The following ASTN2 variants were observed in gnomAD, a reference collection of about 807,000 sequenced individuals.
The protein encoded by ASTN2 is astrotactin-2.
Under a neutral mutation model 139.8 loss-of-function variants are expected in ASTN2, and 54 were observed. The observed-to-expected ratio is 0.39, with a 90% CI of 0.31 to 0.48. ASTN2 has a LOEUF of 0.48. Ranked by LOEUF, ASTN2 falls within the 20% of genes least tolerant of loss-of-function variation. The probability of loss-of-function intolerance (pLI) is 0.95; values close to 1 mark genes in which losing one functional copy is unlikely to be tolerated. For missense variants in ASTN2, 1,565 were observed against 1,725.1 expected (o/e 0.91, Z 1.64); for synonymous variants, 756 against 719.5 (o/e 1.05, Z -0.81).
chr9:117,383,581 T>C (rs1444367571), intron 1 of ASTN2, among the ~76,000 whole-genome samples: 1 of 152,156 alleles, frequency 6.6e-6, no homozygotes, highest in Non-Finnish European at 1.5e-5. Flanking sequence ...AGATTTCATT[T>C]GATGAACTTG....
intron 16 of ASTN2, among the ~76,000 whole-genome samples, chr9:116,713,827 A>G (rs1485009857): frequency 6.6e-6 from 1 of 152,180 alleles, no homozygotes; most frequent in Non-Finnish European, 1.5e-5. Flanking sequence ...GAAATTGTGC[A>G]TGTGAAATGC....
intron 22 of ASTN2, 126 bp downstream of exon 22, chr9:116,440,483 G>T (rs1474524302): frequency 2.3e-6 from 2 of 873,540 alleles, no homozygotes; most frequent in Non-Finnish European, 3.5e-6. Context: ...GCCTTGACAC[G>T]ACCAAGGTGA....
chr9:116,645,116 G>T (rs1857523556), intron 17 of ASTN2, among the ~76,000 whole-genome samples: 1 of 152,164 alleles, frequency 6.6e-6, no homozygotes, highest in Non-Finnish European at 1.5e-5. Flanking sequence ...CACATAGACA[G>T]TAAATGGCAG....
intron 16 of ASTN2, among the ~76,000 whole-genome samples, chr9:116,664,978 T>G (rs1055218809): frequency 6.6e-6 from 1 of 152,098 alleles, no homozygotes; most frequent in African/African-American, 2.4e-5. Context: ...GGCTTGGTGC[T>G]CTCCCTGTGA....
At chr9:117,179,266 C>T (rs139745130) in intron 3 of ASTN2, among the ~76,000 whole-genome samples, 2 of 152,038 alleles carry the variant, frequency 1.3e-5, no homozygotes, top group African/African-American at 4.8e-5. Context: ...TGTATGCATA[C>T]ATGTATATAA....
At chr9:116,979,015 A>G (rs934619415) in intron 7 of ASTN2, among the ~76,000 whole-genome samples, 2 of 152,224 alleles carry the variant, frequency 1.3e-5, no homozygotes, top group East Asian at 1.9e-4. Flanking sequence ...GCATTCATCA[A>G]GTAAACTTAT....
chr9:116,899,969 T>G (rs1353489453), intron 10 of ASTN2, among the ~76,000 whole-genome samples: 2 of 152,126 alleles, frequency 1.3e-5, no homozygotes, highest in Non-Finnish European at 2.9e-5. Flanking sequence ...AAGACAAGAT[T>G]TAACTCCCTA....
intron 10 of ASTN2, among the ~76,000 whole-genome samples, chr9:116,901,111 T>C (rs181301085): frequency 0.014 from 2,052 of 151,900 alleles, 65 homozygotes; most frequent in Admixed American, 0.073. Context: ...TGTGTGTGTG[T>C]GCGCGTGTGC....
intron 16 of ASTN2, among the ~76,000 whole-genome samples, chr9:116,676,643 G>T: frequency 6.6e-6 from 1 of 152,074 alleles, no homozygotes; most frequent in East Asian, 1.9e-4. Flanking sequence ...AATTTTTTTT[G>T]AGCAGTTAAA....
chr9:116,962,763 T>A (rs928188806), intron 10 of ASTN2, among the ~76,000 whole-genome samples: 6 of 152,164 alleles, frequency 3.9e-5, no homozygotes, highest in Admixed American at 6.5e-5. Flanking sequence ...ATGTGTGTTG[T>A]CATAATATAA....
At chr9:116,526,237 G>A (rs904777256) in intron 19 of ASTN2, among the ~76,000 whole-genome samples, 2 of 152,114 alleles carry the variant, frequency 1.3e-5, no homozygotes, top group Non-Finnish European at 2.9e-5. Flanking sequence ...ACCACATTAT[G>A]GAAACAGCTA....
chr9:117,338,734 T>A (rs1828971743), intron 1 of ASTN2, among the ~76,000 whole-genome samples: 1 of 146,992 alleles, frequency 6.8e-6, no homozygotes, highest in South Asian at 2.2e-4. Flanking sequence ...GCAAAAGTAA[T>A]TTTTTTTTTT....
chr9:117,087,092 G>A (rs1828583595), intron 5 of ASTN2, among the ~76,000 whole-genome samples: 2 of 152,324 alleles, frequency 1.3e-5, no homozygotes, highest in African/African-American at 2.4e-5. Context: ...CTAAATTTAG[G>A]CAAGAAGCAG....
intron 1 of ASTN2, among the ~76,000 whole-genome samples, chr9:117,381,945 A>G (rs1830283025): frequency 6.6e-6 from 1 of 152,170 alleles, no homozygotes; most frequent in South Asian, 2.1e-4. Flanking sequence ...GAGAGAAGAT[A>G]TGGTTCACAG....
intron 11 of ASTN2, among the ~76,000 whole-genome samples, chr9:116,852,635 G>A (rs772722525): frequency 1.6e-4 from 24 of 151,890 alleles, no homozygotes; most frequent in Non-Finnish European, 3.4e-4. Context: ...GGAGAATACA[G>A]GCAAAAGGAT....
chr9:117,376,203 T>C (rs1408140386), intron 1 of ASTN2, among the ~76,000 whole-genome samples: 1 of 152,184 alleles, frequency 6.6e-6, no homozygotes, highest in East Asian at 1.9e-4. Context: ...TTAACTGTAG[T>C]AGAAACCCTA....
At chr9:117,000,256 T>C (rs939820289) in intron 7 of ASTN2, among the ~76,000 whole-genome samples, 1 of 152,232 alleles carries the variant, frequency 6.6e-6, no homozygotes, top group African/African-American at 2.4e-5. Context: ...AAGGCTTGAA[T>C]ATGTTAAATG....
rs149440526 is a variant in ASTN2 at position 116,769,375 on chromosome 9, AGAGT to A, written c.2397-35856_2397-35853del. On this transcript the variant is annotated intron_variant, in intron 13 of 22. Coordinates refer to ENST00000313400, the MANE Select transcript of ASTN2 (RefSeq NM_001365068.1). ...TAGAAGGCAGACTGTGGTGGGCGGG[AGAGT>A]AAGTGGGAAGTGAGGAAGTGGAGAC... Among the ~76,000 whole-genome samples, 828 of 152,140 alleles carry A rather than the reference AGAGT, an allele frequency of 5.4e-3. 2 individuals are homozygous for A. The highest frequency in any genetic ancestry group is 0.019 in the African/African-American group (801 of 41,500).
intron 11 of ASTN2, among the ~76,000 whole-genome samples, chr9:116,847,185 G>A (rs1157786547): frequency 1.3e-5 from 2 of 152,008 alleles, no homozygotes; most frequent in Admixed American, 6.6e-5. Context: ...GCACAATCTC[G>A]GCTCACTGCA....
Sources: allele counts gnomAD v4.1 joint callset (sites outside exome capture counted in the v4.1 genomes callset), GRCh38; gene constraint gnomAD v4.1.1; transcripts MANE v1.5; gene names NCBI Gene and HGNC (gene_info 2026-07-23, HGNC 2026-07-21).